Variants in HOOK3 observed in about 807,000 individuals in gnomAD.
The protein encoded by HOOK3 is protein Hook homolog 3.
In HOOK3, 24 loss-of-function variants were observed where a neutral mutation model predicts 116.3. That is an observed-to-expected ratio of 0.21 (90% CI 0.15 to 0.29). The LOEUF is 0.29. Among genes scored for constraint, HOOK3 ranks in the 10% least tolerant of loss-of-function variants. The pLI, the probability that HOOK3 is intolerant of heterozygous loss-of-function variation, is 1.00. For missense variants in HOOK3, 632 were observed against 830.2 expected (o/e 0.76, Z 2.93); for synonymous variants, 275 against 283.0 (o/e 0.97, Z 0.28).
chr8:42,938,536 T>C (rs898092533), intron 4 of HOOK3, among the ~76,000 whole-genome samples: 1 of 152,148 alleles, frequency 6.6e-6, no homozygotes, highest in Admixed American at 6.6e-5. Flanking sequence ...GGTACCAGTT[T>C]TTCCTTGCCA....
At chr8:42,939,200 G>A (rs1167725676) in intron 4 of HOOK3, among the ~76,000 whole-genome samples, 1 of 152,126 alleles carries the variant, frequency 6.6e-6, no homozygotes, top group Non-Finnish European at 1.5e-5. Context: ...AACCGCCATT[G>A]TCATCATGGC....
At chr8:42,968,320 CTT>C (rs1808668707) in intron 11 of HOOK3, 106 bp downstream of exon 11, 1 of 778,004 alleles carries the variant, frequency 1.3e-6, no homozygotes, top group Admixed American at 2.7e-5. Context: ...TGTTTTTTAC[CTT>C]TTCTTTATTG....
At chr8:42,921,909 C>A (rs1807664544) in intron 2 of HOOK3, among the ~76,000 whole-genome samples, 1 of 152,104 alleles carries the variant, frequency 6.6e-6, no homozygotes, top group African/African-American at 2.4e-5. Context: ...CTTGGTGAGG[C>A]CCAGCTATCT....
chr8:42,916,645 A>G (rs1370885310), intron 2 of HOOK3, among the ~76,000 whole-genome samples: 3 of 152,176 alleles, frequency 2.0e-5, no homozygotes, highest in African/African-American at 7.2e-5. Context: ...ACATTAACCT[A>G]ATAAAGCTGC....
rs1352345308 is a variant in HOOK3 at position 43,026,400 on chromosome 8, A to C, written c.*7902A>C. 4.9e-6 allele frequency: 1 copy of C among 202,954 alleles called. No homozygotes were observed. Among genetic ancestry groups the C allele is most frequent in the Non-Finnish European group, 1.0e-5 (1 of 99,012 alleles). The allele number at this position is 202,954 out of a possible 1,614,324, so 12.6% of individuals were successfully genotyped here. A position where few individuals can be genotyped will look rare whatever the true frequency, so the allele number is the denominator to read the frequency against. ...CCCTCTTCCCCTCTACCTTTCTGGC[A>C]TTTTCTGTTATCTTAGAGTCAGGAA... is the stretch of plus-strand genomic sequence containing the variant. On this transcript the variant is annotated 3_prime_UTR_variant, in exon 22 of 22. Transcript: ENST00000307602.
rs1809914229 is a variant in HOOK3, at chr8:43,025,320, C to T, written c.*6822C>T. On this transcript the variant is annotated 3_prime_UTR_variant, in exon 22 of 22. Transcript: ENST00000307602. ...GTGTGTGTTTGCATGAGTATAGAAA[C>T]CTAAGAACATAATGGAAGGCTATTA... The T allele has an allele frequency of 4.8e-6, 1 of 210,468 alleles. No homozygotes were observed. Among genetic ancestry groups the T allele is most frequent in the Non-Finnish European group, 9.6e-6 (1 of 103,718 alleles). The allele number at this position is 210,468 out of a possible 1,614,324, so 13.0% of individuals were successfully genotyped here. A position where few individuals can be genotyped will look rare whatever the true frequency, so the allele number is the denominator to read the frequency against.
chr8:42,907,473 C>G (rs1424448527), intron 2 of HOOK3, among the ~76,000 whole-genome samples: 1 of 152,096 alleles, frequency 6.6e-6, no homozygotes, highest in Admixed American at 6.5e-5. Context: ...GGAACCTGGC[C>G]TGCCCTGGTT....
At chr8:42,915,532 A>G (rs1342701310) in intron 2 of HOOK3, among the ~76,000 whole-genome samples, 4 of 152,116 alleles carry the variant, frequency 2.6e-5, no homozygotes, top group Admixed American at 6.5e-5. Context: ...TCCAGGTTCA[A>G]GCGATTCTCC....
At chr8:42,941,521 A>G (rs1808125345) in intron 4 of HOOK3, among the ~76,000 whole-genome samples, 1 of 148,896 alleles carries the variant, frequency 6.7e-6, no homozygotes, top group Admixed American at 6.7e-5. Context: ...CCGTCTCAAA[A>G]AAAAAAAAAA....
intron 13 of HOOK3, among the ~76,000 whole-genome samples, chr8:42,974,628 C>T (rs935888216): frequency 2.6e-5 from 4 of 152,218 alleles, no homozygotes; most frequent in South Asian, 2.1e-4. Context: ...ATTGGGCCCA[C>T]GTGCGCTCCT....
At chr8:42,963,424 CG>C (rs1177637489) in intron 8 of HOOK3, among the ~76,000 whole-genome samples, 1 of 152,150 alleles carries the variant, frequency 6.6e-6, no homozygotes, top group African/African-American at 2.4e-5. Context: ...TGTTGGCAAA[CG>C]TTTGGATTGT....
At chr8:43,013,673 G>A (rs2130491163) in intron 21 of HOOK3, among the ~76,000 whole-genome samples, 1 of 152,298 alleles carries the variant, frequency 6.6e-6, no homozygotes, top group Non-Finnish European at 1.5e-5. Context: ...TTTATTGTAA[G>A]AGAAGGGACA....
At chr8:42,902,631 T>C (rs1281189895) in intron 1 of HOOK3, among the ~76,000 whole-genome samples, 1 of 152,184 alleles carries the variant, frequency 6.6e-6, no homozygotes, top group African/African-American at 2.4e-5. Context: ...TTGGGACCAT[T>C]GCTTTAGACT....
In HOOK3 at chr8:43,022,593, A is replaced by G. The variant is rs1809850350; in HGVS notation, c.*4095A>G. 1 of 186,038 alleles carries G rather than the reference A, an allele frequency of 5.4e-6. No homozygotes were observed. Among genetic ancestry groups the G allele is most frequent in the Non-Finnish European group, 1.1e-5 (1 of 88,024 alleles). 11.5% of individuals were successfully genotyped at this position (186,038 alleles called of 1,614,324 possible). ...TGTATTTCAGAAGTTTGTAATCCAGAAAATATAGTAGTGTATAATATCTGA... is the reference window on the plus strand; with the variant it reads ...TGTATTTCAGAAGTTTGTAATCCAGGAAATATAGTAGTGTATAATATCTGA... On this transcript the variant is annotated 3_prime_UTR_variant, in exon 22 of 22. Transcript: ENST00000307602.
chr8:42,918,474 GA>G (rs988275333), intron 2 of HOOK3, among the ~76,000 whole-genome samples: 62 of 152,006 alleles, frequency 4.1e-4, no homozygotes, highest in African/African-American at 1.2e-3. Flanking sequence ...GTTTCTCGGA[GA>G]GGGGGATTTG....
At position 42,919,498 on chromosome 8, in the gene HOOK3, A is replaced by G. The variant is rs1398203615; in HGVS notation, c.144-6059A>G. Among the ~76,000 whole-genome samples, 3 of 137,166 alleles carry G rather than the reference A, an allele frequency of 2.2e-5. No homozygotes were observed. The East Asian group carries it at 6.9e-4, about 31-fold the overall frequency. 90.0% of individuals were successfully genotyped at this position (137,166 alleles called of 152,430 possible). On this transcript the variant is annotated intron_variant, in intron 2 of 21. Coordinates refer to ENST00000307602, the MANE Select transcript of HOOK3 (RefSeq NM_032410.4). ...AGAGGGGCTCCTCACATCCCAGACG[A>G]TGGGCGGCCAGGCAGAGACGCTCCT...
At chr8:42,928,442 C>T (rs150063078) in intron 3 of HOOK3, among the ~76,000 whole-genome samples, 12 of 151,746 alleles carry the variant, frequency 7.9e-5, no homozygotes, top group African/African-American at 1.9e-4. Flanking sequence ...CAGAGCAAGA[C>T]TCAGTCTCAA....
chr8:43,006,107 G>A (rs529055365), intron 17 of HOOK3, among the ~76,000 whole-genome samples: 100 of 151,004 alleles, frequency 6.6e-4, no homozygotes, highest in African/African-American at 2.0e-3. Context: ...TGCAAGCTCC[G>A]CCTCCCGGGT....
intron 1 of HOOK3, among the ~76,000 whole-genome samples, chr8:42,903,257 C>T (rs1365218448): frequency 6.6e-6 from 1 of 151,514 alleles, no homozygotes; most frequent in Non-Finnish European, 1.5e-5. Context: ...CCCTGGGCCT[C>T]TACCACCATA....
Sources: gnomAD v4.1 joint callset for allele counts (sites outside exome capture counted in the v4.1 genomes callset) on GRCh38, gnomAD v4.1.1 for gene constraint, MANE v1.5 for transcripts, NCBI Gene and HGNC (gene_info 2026-07-23, HGNC 2026-07-21) for gene names.